The following CSGALNACT1 variants were observed in gnomAD, a reference collection of about 807,000 sequenced individuals.
CSGALNACT1 encodes chondroitin sulfate N-acetylgalactosaminyltransferase 1.
A neutral mutation model predicts 51.0 loss-of-function variants in CSGALNACT1; 52 were observed. The observed-to-expected ratio is 1.02, with a 90% CI of 0.82 to 1.29. The LOEUF is 1.29. Ranked by LOEUF, CSGALNACT1 falls within the 50% of genes most tolerant of loss-of-function variation. The pLI is 0.00. For missense variants in CSGALNACT1, 935 were observed against 679.2 expected (o/e 1.38, Z -4.19); for synonymous variants, 341 against 254.4 (o/e 1.34, Z -3.24).
At chr8:19,603,611 C>A (rs988188977), upstream of CSGALNACT1, among the ~76,000 whole-genome samples, 3 of 152,226 alleles carry the variant, frequency 2.0e-5, no homozygotes, top group African/African-American at 7.2e-5. Flanking sequence ...TCAGCGCCTG[C>A]AGGCCAAGAG....
chr8:19,454,487 G>A (rs543344178), intron 5 of CSGALNACT1, among the ~76,000 whole-genome samples: 3 of 152,140 alleles, frequency 2.0e-5, no homozygotes, highest in African/African-American at 4.8e-5. Context: ...CCTGACCAAC[G>A]TGGTGAAACC....
intron 1 of CSGALNACT1, among the ~76,000 whole-genome samples, chr8:19,653,374 C>T (rs953287382): frequency 1.3e-5 from 2 of 152,212 alleles, no homozygotes; most frequent in African/African-American, 4.8e-5. Flanking sequence ...TCCTTGGACA[C>T]TGGTCCCATT....
intron 1 of CSGALNACT1, among the ~76,000 whole-genome samples, chr8:19,623,238 T>A (rs1238943858): frequency 6.6e-6 from 1 of 152,146 alleles, no homozygotes; most frequent in Non-Finnish European, 1.5e-5. Context: ...TGTATGCATA[T>A]AATAACATGT....
intron 3 of CSGALNACT1, among the ~76,000 whole-genome samples, chr8:19,565,959 G>A (rs2041830583): frequency 6.6e-6 from 1 of 152,146 alleles, no homozygotes; most frequent in Non-Finnish European, 1.5e-5. Context: ...GTCTTTAAAT[G>A]CCCATTTCTA....
At chr8:19,464,522 T>C (rs908559161) in intron 4 of CSGALNACT1, among the ~76,000 whole-genome samples, 3 of 152,058 alleles carry the variant, frequency 2.0e-5, no homozygotes, top group Non-Finnish European at 2.9e-5. Context: ...TAAGCACATA[T>C]AACTACTGAT....
At chr8:19,649,818 G>GAAAAAAAAAAAAAAAAAAAAAAAAAA (rs1564347327) in intron 1 of CSGALNACT1, among the ~76,000 whole-genome samples, 1 of 1,552 alleles carries the variant, frequency 6.4e-4, no homozygotes, top group African/African-American at 2.2e-3. Flanking sequence ...ATTCCAAGTA[G>GAAAAAAAAAAAAAAAAAAAAAAAAAA]CAAAAAAAAA....
At chr8:19,437,183 G>C (rs1173381580) in intron 6 of CSGALNACT1, among the ~76,000 whole-genome samples, 1 of 152,146 alleles carries the variant, frequency 6.6e-6, no homozygotes, top group Admixed American at 6.5e-5. Flanking sequence ...CAGAGAAAAG[G>C]ACTGGAAGTC....
chr8:19,442,157 G>T (rs960088232), intron 5 of CSGALNACT1, among the ~76,000 whole-genome samples: 6 of 152,194 alleles, frequency 3.9e-5, no homozygotes, highest in African/African-American at 1.4e-4. Context: ...GGAAGTCAGT[G>T]TGGCGATTCC....
intron 3 of CSGALNACT1, among the ~76,000 whole-genome samples, chr8:19,535,947 T>C (rs2083641553): frequency 6.6e-6 from 1 of 152,120 alleles, no homozygotes; most frequent in Admixed American, 6.6e-5. Context: ...TTCACAACTT[T>C]TGATAGATCT....
chr8:19,469,604 C>G (rs182809200), intron 4 of CSGALNACT1, among the ~76,000 whole-genome samples: 9 of 152,178 alleles, frequency 5.9e-5, no homozygotes, highest in Admixed American at 5.9e-4. Flanking sequence ...TTCAGAACCT[C>G]TGCCCTTTCT....
chr8:19,668,819 C>G (rs770244191), intron 1 of CSGALNACT1, among the ~76,000 whole-genome samples: 38 of 152,198 alleles, frequency 2.5e-4, no homozygotes, highest in Non-Finnish European at 4.4e-4. Flanking sequence ...TCACAAAGTG[C>G]TGGGATTACA....
At chr8:19,456,751 C>T (rs2064188518) in intron 5 of CSGALNACT1, among the ~76,000 whole-genome samples, 1 of 152,204 alleles carries the variant, frequency 6.6e-6, no homozygotes. Context: ...TATTAGCCCA[C>T]TCTACTTTGG....
At chr8:19,553,927 C>CACACACACACA (rs1564021267) in intron 3 of CSGALNACT1, among the ~76,000 whole-genome samples, 23 of 117,740 alleles carry the variant, frequency 2.0e-4, no homozygotes, top group African/African-American at 7.8e-4. Flanking sequence ...ACACACACAC[C>CACACACACACA]CAGAATCAAT....
At chr8:19,586,179 A>G (rs1484889425) in intron 3 of CSGALNACT1, among the ~76,000 whole-genome samples, 1 of 152,156 alleles carries the variant, frequency 6.6e-6, no homozygotes, top group Non-Finnish European at 1.5e-5. Context: ...CCTGGCCAAC[A>G]TAGCAAAACC....
chr8:19,573,777 C>A (rs1484673947), intron 3 of CSGALNACT1, among the ~76,000 whole-genome samples: 1 of 152,146 alleles, frequency 6.6e-6, no homozygotes, highest in Non-Finnish European at 1.5e-5. Context: ...AGGCTAGTTT[C>A]AGGAAGGGGA....
intron 1 of CSGALNACT1, among the ~76,000 whole-genome samples, chr8:19,724,285 G>A (rs1197236718): frequency 1.3e-5 from 2 of 152,152 alleles, no homozygotes; most frequent in African/African-American, 2.4e-5. Flanking sequence ...TAGGGCTCAG[G>A]AGAGCTGCAT....
At chr8:19,500,617 T>A (rs2076250126) in intron 4 of CSGALNACT1, among the ~76,000 whole-genome samples, 1 of 152,228 alleles carries the variant, frequency 6.6e-6, no homozygotes. Flanking sequence ...TACAGGCTAC[T>A]TAGTGATACA....
chr8:19,605,640 G>A (rs138880374), upstream of CSGALNACT1, among the ~76,000 whole-genome samples: 536 of 152,214 alleles, frequency 3.5e-3, 6 homozygotes, highest in African/African-American at 0.012. Context: ...CAGGATGTGC[G>A]TGAGAGCGGC....
intron 1 of CSGALNACT1, among the ~76,000 whole-genome samples, chr8:19,609,682 C>A (rs1564251257): frequency 6.6e-6 from 1 of 152,012 alleles, no homozygotes; most frequent in East Asian, 1.9e-4. Context: ...CAAAGAAGGA[C>A]CCAGAGAAGC....
Sources: gnomAD v4.1 joint callset for allele counts (sites outside exome capture counted in the v4.1 genomes callset) on GRCh38, gnomAD v4.1.1 for gene constraint, MANE v1.5 for transcripts, NCBI Gene and HGNC (gene_info 2026-07-23, HGNC 2026-07-21) for gene names.